The following LPAR1 variants were observed in gnomAD, a reference collection of about 807,000 sequenced individuals.
LPAR1 encodes the protein lysophosphatidic acid receptor 1, also known as LPA receptor 1.
In LPAR1, 5 loss-of-function variants were observed where a neutral mutation model predicts 23.8. The observed-to-expected ratio is 0.21, with a 90% confidence interval of 0.11 to 0.44. The LOEUF is 0.44. Among genes scored for constraint, LPAR1 ranks in the 20% least tolerant of loss-of-function variants. LPAR1 has a pLI of 0.99. For synonymous variants in LPAR1, 160 were observed against 164.7 expected, an observed-to-expected ratio of 0.97 and a Z score of 0.22; for missense variants, 311 against 482.8, an observed-to-expected ratio of 0.64 and a Z score of 3.33.
chr9:110,903,882 CAAAAAAAAAAAA>C (rs61456167), intron 5 of LPAR1, among the ~76,000 whole-genome samples: 11 of 77,246 alleles, frequency 1.4e-4, no homozygotes, highest in East Asian at 7.4e-4. Context: ...AAGTGAATTG[CAAAAAAAAAAAA>C]AAAAAAAAAA....
At chr9:110,943,560 T>C (rs750686331) in intron 4 of LPAR1, among the ~76,000 whole-genome samples, 3 of 152,170 alleles carry the variant, frequency 2.0e-5, no homozygotes, top group Non-Finnish European at 2.9e-5. Context: ...ACTTGTCTGC[T>C]TCTTAAAGAG....
intron 4 of LPAR1, among the ~76,000 whole-genome samples, chr9:110,948,886 C>A (rs1289215688): frequency 1.3e-5 from 2 of 148,580 alleles, no homozygotes; most frequent in Non-Finnish European, 3.0e-5. Context: ...TCTCTAAGAT[C>A]TTCGTATTGG....
At chr9:110,898,727 A>G (rs1477016227) in intron 5 of LPAR1, among the ~76,000 whole-genome samples, 1 of 152,216 alleles carries the variant, frequency 6.6e-6, no homozygotes, top group Non-Finnish European at 1.5e-5. Flanking sequence ...AAAATGAAGG[A>G]GATCACTTAC....
intron 4 of LPAR1, among the ~76,000 whole-genome samples, chr9:110,956,509 A>AG: frequency 6.6e-6 from 1 of 151,508 alleles, no homozygotes; most frequent in East Asian, 1.9e-4. Flanking sequence ...AGGATCAACC[A>AG]AAGAAGTTAG....
chr9:110,917,014 C>A (rs1269775612), intron 5 of LPAR1, among the ~76,000 whole-genome samples: 1 of 149,848 alleles, frequency 6.7e-6, no homozygotes, highest in Non-Finnish European at 1.5e-5. Context: ...AACTTCTTTT[C>A]AAATATAAGC....
At chr9:110,950,463 T>TAAAAAAAAAA (rs56274036) in intron 4 of LPAR1, among the ~76,000 whole-genome samples, 1 of 122,028 alleles carries the variant, frequency 8.2e-6, no homozygotes, top group Admixed American at 8.2e-5. Flanking sequence ...AGACTCTGTC[T>TAAAAAAAAAA]AAAAAAAAAA....
At chr9:110,924,075 A>T (rs1200680103) in intron 5 of LPAR1, among the ~76,000 whole-genome samples, 1 of 151,324 alleles carries the variant, frequency 6.6e-6, no homozygotes, top group Non-Finnish European at 1.5e-5. Context: ...TAGTGCCACT[A>T]AAAAAAATCC....
intron 4 of LPAR1, among the ~76,000 whole-genome samples, chr9:110,947,220 CA>C (rs2095413675): frequency 6.6e-6 from 1 of 152,032 alleles, no homozygotes; most frequent in African/African-American, 2.4e-5. Context: ...ATACAAAGTC[CA>C]ATAAGTACTT....
At chr9:111,012,846 A>G (rs1312589935) in intron 2 of LPAR1, among the ~76,000 whole-genome samples, 2 of 152,160 alleles carry the variant, frequency 1.3e-5, no homozygotes, top group Non-Finnish European at 2.9e-5. Flanking sequence ...GGAAGAAGGA[A>G]GGAAAATTTC....
At chr9:111,006,940 C>A (rs542907154) in intron 2 of LPAR1, among the ~76,000 whole-genome samples, 1 of 152,042 alleles carries the variant, frequency 6.6e-6, no homozygotes, top group East Asian at 1.9e-4. Context: ...GGGGACAGAT[C>A]CCTCATGAAT....
intron 5 of LPAR1, among the ~76,000 whole-genome samples, chr9:110,907,494 AC>A (rs1246142725): frequency 6.6e-6 from 1 of 152,064 alleles, no homozygotes; most frequent in East Asian, 1.9e-4. Flanking sequence ...AATCAGACTG[AC>A]CCCCGACTTT....
intron 5 of LPAR1, among the ~76,000 whole-genome samples, chr9:110,890,304 T>C (rs931146735): frequency 3.9e-5 from 6 of 152,110 alleles, no homozygotes; most frequent in Non-Finnish European, 8.8e-5. Context: ...AAAAGTTCCT[T>C]CACCCCCCTC....
intron 4 of LPAR1, among the ~76,000 whole-genome samples, chr9:110,971,012 G>A (rs2096401934): frequency 6.6e-6 from 1 of 152,142 alleles, no homozygotes. Flanking sequence ...GCGGGCGCCT[G>A]TAATCTCAGC....
chr9:110,888,264 A>G (rs1046500630), intron 5 of LPAR1, among the ~76,000 whole-genome samples: 9 of 152,198 alleles, frequency 5.9e-5, no homozygotes, highest in Non-Finnish European at 1.3e-4. Flanking sequence ...TCGAAGCAAA[A>G]GCAACCCCAA....
intron 2 of LPAR1, among the ~76,000 whole-genome samples, chr9:110,986,072 A>G (rs2096775109): frequency 6.6e-6 from 1 of 152,132 alleles, no homozygotes; most frequent in African/African-American, 2.4e-5. Context: ...GGTAAGAGAC[A>G]GACTTCATTC....
chr9:111,018,269 T>A (rs1429291661), intron 2 of LPAR1, among the ~76,000 whole-genome samples: 1 of 152,204 alleles, frequency 6.6e-6, no homozygotes, highest in Admixed American at 6.5e-5. Context: ...ATCTTTAAGT[T>A]TTTCTCAAAC....
At chr9:111,005,642 T>C (rs1208509989) in intron 2 of LPAR1, among the ~76,000 whole-genome samples, 2 of 147,720 alleles carry the variant, frequency 1.4e-5, no homozygotes, top group African/African-American at 2.5e-5. Flanking sequence ...CCTCCCCTGA[T>C]CCAGCCTCTG....
chr9:110,956,408 G>A (rs11521554), intron 4 of LPAR1, among the ~76,000 whole-genome samples: 15,103 of 151,872 alleles, frequency 0.099, 912 homozygotes, highest in Non-Finnish European at 0.15. Flanking sequence ...AAAATACTAT[G>A]TGTAGTAGGG....
At position 111,027,208 on chromosome 9, in the gene LPAR1, C is replaced by T. The variant is rs200446462; in HGVS notation, c.-182+8914G>A. Among the ~76,000 whole-genome samples, 3 of 152,090 alleles carry T rather than the reference C, an allele frequency of 2.0e-5. No individual in the cohort carries two copies. In the East Asian group the frequency reaches 5.8e-4, roughly 29 times the overall value. On this transcript the variant is annotated intron_variant, in intron 2 of 5. Coordinates refer to ENST00000683809, the MANE Select transcript of LPAR1 (RefSeq NM_001351411.2). ...TAATTACTGCCTCAATTTCAGAACG[C>T]TCCACCCCAAATCAACAGGCCAGGT...
Sources: gnomAD v4.1 joint callset for allele counts (sites outside exome capture counted in the v4.1 genomes callset) on GRCh38, gnomAD v4.1.1 for gene constraint, MANE v1.5 for transcripts, NCBI Gene and HGNC (gene_info 2026-07-23, HGNC 2026-07-21) for gene names.